FER: variants seen among roughly 807,000 people sequenced by gnomAD.
FER encodes the protein tyrosine-protein kinase Fer.
Under a neutral mutation model 111.0 loss-of-function variants are expected in FER, and 63 were observed. That is an observed-to-expected ratio of 0.57 (90% CI 0.46 to 0.70). FER has a LOEUF of 0.70. Among genes scored for constraint, FER ranks in the 30% least tolerant of loss-of-function variants. FER has a pLI of 0.00. For synonymous variants in FER, 327 were observed against 313.9 expected, an observed-to-expected ratio of 1.04 and a Z score of -0.44; for missense variants, 914 against 954.0, an observed-to-expected ratio of 0.96 and a Z score of 0.55.
At chr5:108,786,593 C>T (rs147947215) in intron 2 of FER, among the ~76,000 whole-genome samples, 7 of 152,184 alleles carry the variant, frequency 4.6e-5, no homozygotes, top group East Asian at 1.9e-4. Flanking sequence ...CTCTGCCTCC[C>T]GGGTTCAAGT....
At chr5:109,089,245 A>AT (rs1383164544) in intron 16 of FER, among the ~76,000 whole-genome samples, 1 of 152,122 alleles carries the variant, frequency 6.6e-6, no homozygotes, top group Non-Finnish European at 1.5e-5. Flanking sequence ...CTCTTTGAGA[A>AT]TTTTTTTAAA....
At chr5:109,037,365 A>G (rs78764938) in intron 13 of FER, 57 bp from the exon 14 acceptor site, 79,835 of 1,469,846 alleles carry the variant, frequency 0.054, 2,690 homozygotes, top group South Asian at 0.1. Context: ...CTCAAATGCA[A>G]CTTCAAGAAG....
intron 13 of FER, among the ~76,000 whole-genome samples, chr5:109,023,637 T>C (rs1768248779): frequency 6.6e-6 from 1 of 151,592 alleles, no homozygotes. Flanking sequence ...CTCAGTATTG[T>C]TTGTGTTTTG....
In FER at chr5:109,187,438, C is replaced by A. The variant is rs1759007454; in HGVS notation, c.2332C>A (p.Arg778=). The A allele has an allele frequency of 1.9e-6, 3 of 1,612,914 alleles. No individual in the cohort carries two copies. The highest frequency in any genetic ancestry group is 2.5e-6 in the Non-Finnish European group (3 of 1,179,596). The part of the protein sequence containing the change: ...QAREQVERGY[R]MSAPQHCPED... ...TCCTTCTCTTGGGTCTTCAGGATACCGGATGTCAGCTCCCCAGCACTGTCC... is the reference window on the plus strand; with the variant it reads ...TCCTTCTCTTGGGTCTTCAGGATACAGGATGTCAGCTCCCCAGCACTGTCC... The change falls in exon 20 of 20, where the codon CGG becomes AGG. Residue 778 remains arginine (R), a synonymous_variant. Coordinates refer to ENST00000281092, the MANE Select transcript of FER (RefSeq NM_005246.4).
At chr5:109,171,866 AC>A (rs1456701546) in intron 17 of FER, among the ~76,000 whole-genome samples, 3 of 152,166 alleles carry the variant, frequency 2.0e-5, no homozygotes, top group Non-Finnish European at 2.9e-5. Flanking sequence ...TTATTAAATT[AC>A]CCAGTAAAAT....
At chr5:109,180,689 G>A in intron 17 of FER, 58 bp from the exon 18 acceptor site, 1 of 1,522,926 alleles carries the variant, frequency 6.6e-7, no homozygotes, top group Non-Finnish European at 8.9e-7. Context: ...AATCATAAAT[G>A]TGAAAGTGGC....
chr5:109,187,121 T>A (rs1758965752), intron 19 of FER, among the ~76,000 whole-genome samples: 1 of 152,234 alleles, frequency 6.6e-6, no homozygotes, highest in South Asian at 2.1e-4. Context: ...TTTAAAACTG[T>A]TCACAGGATC....
chr5:109,057,683 T>A (rs72790598), intron 16 of FER, among the ~76,000 whole-genome samples: 25,085 of 152,130 alleles, frequency 0.16, 2,144 homozygotes, highest in South Asian at 0.21. Flanking sequence ...TTCATGAAGA[T>A]ATAAAGAACC....
At chr5:108,749,391 G>A (rs1750183283) in intron 1 of FER, among the ~76,000 whole-genome samples, 1 of 152,090 alleles carries the variant, frequency 6.6e-6, no homozygotes, top group Non-Finnish European at 1.5e-5. Flanking sequence ...GGGTCTGGGG[G>A]CTGATGGGCG....
At chr5:109,064,795 G>A (rs1774881233) in intron 16 of FER, among the ~76,000 whole-genome samples, 1 of 152,154 alleles carries the variant, frequency 6.6e-6, no homozygotes, top group Non-Finnish European at 1.5e-5. Context: ...CTTCACAATT[G>A]AAAGTGTAGG....
chr5:109,022,916 T>C (rs1244398582), intron 13 of FER, among the ~76,000 whole-genome samples: 1 of 152,152 alleles, frequency 6.6e-6, no homozygotes, highest in African/African-American at 2.4e-5. Context: ...CCTATTATGC[T>C]ATAGATAATA....
intron 13 of FER, among the ~76,000 whole-genome samples, chr5:108,967,115 C>A (rs1759958959): frequency 6.6e-6 from 1 of 152,142 alleles, no homozygotes; most frequent in Admixed American, 6.5e-5. Flanking sequence ...GCTCACTTGG[C>A]CTGCCCGGGC....
chr5:108,757,179 GC>G (rs2149919042), intron 1 of FER, among the ~76,000 whole-genome samples: 1 of 152,272 alleles, frequency 6.6e-6, no homozygotes, highest in South Asian at 2.1e-4. Flanking sequence ...AGAAGTTTCA[GC>G]TATTTGGGAG....
At position 108,908,403 on chromosome 5, in the gene FER, C is replaced by T. The variant is rs1391714464; in HGVS notation, c.1236+10555C>T. On this transcript the variant is annotated intron_variant, in intron 10 of 19. Transcript: ENST00000281092. Reference sequence around the variant, plus strand: ...TTAATAGTTCTTTTTTCTGCCTATACAATAGTTTTTGGGTGCTCATTAAAA... The same window carrying T: ...TTAATAGTTCTTTTTTCTGCCTATATAATAGTTTTTGGGTGCTCATTAAAA... Among the ~76,000 whole-genome samples, 7 of 152,052 alleles carry T rather than the reference C, an allele frequency of 4.6e-5. No individual in the cohort carries two copies. The East Asian group carries it at 9.6e-4, about 21-fold the overall frequency.
intron 17 of FER, among the ~76,000 whole-genome samples, chr5:109,137,882 T>G (rs1308463249): frequency 6.6e-6 from 1 of 152,208 alleles, no homozygotes; most frequent in African/African-American, 2.4e-5. Flanking sequence ...CTTATGGACT[T>G]ACCCAGACCC....
chr5:109,028,596 A>G (rs187512224), intron 13 of FER, among the ~76,000 whole-genome samples: 9 of 152,318 alleles, frequency 5.9e-5, no homozygotes, highest in African/African-American at 2.2e-4. Context: ...CCTGTCTCTC[A>G]GAACCTCAGA....
intron 12 of FER, among the ~76,000 whole-genome samples, chr5:108,957,682 C>G (rs1429405810): frequency 1.3e-5 from 2 of 151,516 alleles, no homozygotes; most frequent in African/African-American, 4.8e-5. Flanking sequence ...TTCACAGTAG[C>G]AAAGATAAGG....
intron 2 of FER, among the ~76,000 whole-genome samples, chr5:108,771,523 T>C (rs1752899880): frequency 6.6e-6 from 1 of 152,164 alleles, no homozygotes; most frequent in Admixed American, 6.5e-5. Context: ...GTAGCTGGCT[T>C]TCATAATTGT....
At chr5:108,915,081 G>T (rs1752085400) in intron 10 of FER, among the ~76,000 whole-genome samples, 1 of 152,158 alleles carries the variant, frequency 6.6e-6, no homozygotes, top group South Asian at 2.1e-4. Context: ...GACTAAGAAG[G>T]TTAGGTAGAG....
Sources: gnomAD v4.1 joint callset for allele counts (sites outside exome capture counted in the v4.1 genomes callset) on GRCh38, gnomAD v4.1.1 for gene constraint, MANE v1.5 for transcripts, NCBI Gene and HGNC (gene_info 2026-07-23, HGNC 2026-07-21) for gene names.